SLC14A2: variants seen among roughly 807,000 people sequenced by gnomAD.
SLC14A2 encodes urea transporter 2.
Under a neutral mutation model 104.6 loss-of-function variants are expected in SLC14A2, and 91 were observed. The observed-to-expected ratio is 0.87, with a 90% CI of 0.73 to 1.04. The LOEUF (loss-of-function observed/expected upper bound fraction) is 1.04, where lower values mean the gene tolerates loss of function less well. Ranked by LOEUF, SLC14A2 falls within the 50% of genes least tolerant of loss-of-function variation. SLC14A2 has a pLI of 0.00. For missense variants in SLC14A2, 1,189 were observed against 1,156.0 expected (o/e 1.03, Z -0.41); for synonymous variants, 476 against 466.4 (o/e 1.02, Z -0.27).
intron 1 of SLC14A2, among the ~76,000 whole-genome samples, chr18:45,275,925 G>T (rs2084697579): frequency 6.6e-6 from 1 of 152,200 alleles, no homozygotes; most frequent in East Asian, 1.9e-4. Flanking sequence ...TTAAAACAGA[G>T]AATTAAAGAA....
At chr18:45,574,343 T>C (rs2044390629) in intron 2 of SLC14A2, among the ~76,000 whole-genome samples, 1 of 152,128 alleles carries the variant, frequency 6.6e-6, no homozygotes, top group Admixed American at 6.5e-5. Context: ...AGAGGTAGGT[T>C]AAAGACAGTA....
In SLC14A2 at chr18:45,462,147, G is replaced by A. The variant is rs376360035; in HGVS notation, c.-124-21086G>A. On this transcript the variant is annotated intron_variant, in intron 1 of 20. Transcript: ENST00000586448. ...TTTTCATAATTCCATAGAAAACAACGTTTCTTTTTCCCTCTTCAGCAGTTT... is the reference window on the plus strand; with the variant it reads ...TTTTCATAATTCCATAGAAAACAACATTTCTTTTTCCCTCTTCAGCAGTTT... 7.2e-5 allele frequency among the ~76,000 whole-genome samples: 11 copies of A among 152,098 alleles called. No individual in the cohort carries two copies. The South Asian group carries it at 1.7e-3, about 23-fold the overall frequency.
chr18:45,468,859 G>A (rs1160372347), intron 1 of SLC14A2, among the ~76,000 whole-genome samples: 2 of 152,200 alleles, frequency 1.3e-5, no homozygotes, highest in African/African-American at 4.8e-5. Context: ...CCCCTTGTAA[G>A]ATATCAAAGA....
intron 1 of SLC14A2, among the ~76,000 whole-genome samples, chr18:45,325,808 T>C (rs1467915350): frequency 6.6e-6 from 1 of 152,174 alleles, no homozygotes; most frequent in Non-Finnish European, 1.5e-5. Flanking sequence ...AGGGAACTGT[T>C]TCCAAACCTG....
chr18:45,436,181 G>T (rs1299299836), intron 1 of SLC14A2, among the ~76,000 whole-genome samples: 1 of 152,150 alleles, frequency 6.6e-6, no homozygotes, highest in Non-Finnish European at 1.5e-5. Context: ...TGAATGAGCA[G>T]TGACTGAAAA....
intron 1 of SLC14A2, among the ~76,000 whole-genome samples, chr18:45,335,091 A>G (rs1327475332): frequency 1.3e-5 from 2 of 152,296 alleles, no homozygotes; most frequent in African/African-American, 2.4e-5. Context: ...TACCATCACC[A>G]CAATCAAAAT....
intron 1 of SLC14A2, among the ~76,000 whole-genome samples, chr18:45,369,228 T>C (rs949226157): frequency 3.3e-5 from 5 of 152,222 alleles, no homozygotes; most frequent in Non-Finnish European, 5.9e-5. Context: ...GAGGGCAGTT[T>C]AGTCTCCGAT....
Position 45,595,984 on chromosome 18 carries a change from C to A in SLC14A2, c.-34-28647C>A, listed in dbSNP as rs892426081. Among the ~76,000 whole-genome samples the A allele has an allele frequency of 4.6e-5, 7 of 152,264 alleles. 1 individual carries two copies. Among genetic ancestry groups the A allele is most frequent in the Admixed American group, 1.3e-4 (2 of 15,304 alleles). On this transcript the variant is annotated intron_variant, in intron 2 of 20. Coordinates refer to the SLC14A2 transcript ENST00000586448. ...CCCACATTGCTCATGCTTCCTGGAG[C>A]CCTACTGCTGAGTGGTACGGACTTC...
chr18:45,622,660 A>G (rs147523579), intron 1 of SLC14A2, among the ~76,000 whole-genome samples: 357 of 152,244 alleles, frequency 2.3e-3, no homozygotes, highest in Middle Eastern at 0.014. Flanking sequence ...AAGAGCCGCC[A>G]AAAGAGAGTG....
chr18:45,298,374 C>T (rs563564391), intron 1 of SLC14A2, among the ~76,000 whole-genome samples: 12 of 152,248 alleles, frequency 7.9e-5, no homozygotes, highest in South Asian at 2.1e-4. Flanking sequence ...CCCTTTGATG[C>T]GGATATAACC....
chr18:45,463,014 A>T (rs1297029183), intron 1 of SLC14A2, among the ~76,000 whole-genome samples: 1 of 152,188 alleles, frequency 6.6e-6, no homozygotes, highest in East Asian at 1.9e-4. Context: ...ATCAATGTCC[A>T]TTCTTATAAT....
intron 18 of SLC14A2, among the ~76,000 whole-genome samples, chr18:45,678,011 A>G (rs115472151): frequency 0.017 from 2,597 of 152,156 alleles, 80 homozygotes; most frequent in African/African-American, 0.059. Flanking sequence ...TAGAGATGGT[A>G]TCTTGCTTTG....
chr18:45,268,964 T>TGTGTG (rs2084621690), intron 1 of SLC14A2, among the ~76,000 whole-genome samples: 22 of 143,466 alleles, frequency 1.5e-4, no homozygotes, highest in African/African-American at 6.0e-4. Flanking sequence ...GTTGGTGTGT[T>TGTGTG]TGTGTGTGTG....
intron 1 of SLC14A2, among the ~76,000 whole-genome samples, chr18:45,258,395 A>G (rs940208946): frequency 7.0e-6 from 1 of 142,804 alleles, no homozygotes; most frequent in African/African-American, 2.8e-5. Context: ...AGGAGTAGGA[A>G]CATTTGATCA....
intron 1 of SLC14A2, among the ~76,000 whole-genome samples, chr18:45,433,410 T>C (rs2086548414): frequency 6.6e-6 from 1 of 152,220 alleles, no homozygotes; most frequent in Non-Finnish European, 1.5e-5. Flanking sequence ...ATGATGGATA[T>C]AAAAAGCCTT....
intron 2 of SLC14A2, among the ~76,000 whole-genome samples, chr18:45,533,376 G>A (rs937081403): frequency 6.6e-6 from 1 of 152,126 alleles, no homozygotes; most frequent in Non-Finnish European, 1.5e-5. Context: ...CAATTTCAGA[G>A]CCTGTTATTG....
chr18:45,665,625 A>C (rs2046006032), intron 11 of SLC14A2, among the ~76,000 whole-genome samples: 1 of 149,774 alleles, frequency 6.7e-6, no homozygotes, highest in African/African-American at 2.5e-5. Context: ...TGCATGGCTC[A>C]TGGCTCAGGC....
intron 1 of SLC14A2, among the ~76,000 whole-genome samples, chr18:45,255,013 C>T (rs886369897): frequency 6.6e-6 from 1 of 152,186 alleles, no homozygotes; most frequent in Non-Finnish European, 1.5e-5. Flanking sequence ...AAAGGAATAC[C>T]AGCACACTTG....
At chr18:45,492,657 C>T (rs1353683398) in intron 2 of SLC14A2, among the ~76,000 whole-genome samples, 2 of 152,144 alleles carry the variant, frequency 1.3e-5, no homozygotes, top group East Asian at 3.9e-4. Flanking sequence ...CAGCAATGTG[C>T]CTAGCTAAAA....
Sources: gnomAD v4.1 joint callset for allele counts (sites outside exome capture counted in the v4.1 genomes callset) on GRCh38, gnomAD v4.1.1 for gene constraint, MANE v1.5 for transcripts, NCBI Gene and HGNC (gene_info 2026-07-23, HGNC 2026-07-21) for gene names.